FLRT1: variants seen among roughly 807,000 people sequenced by gnomAD.
The protein encoded by FLRT1 is fibronectin leucine rich transmembrane protein 1, also known as leucine-rich repeat transmembrane protein FLRT1.
FLRT1 carries 14 observed loss-of-function variants against 30.9 expected under a neutral mutation model. The observed-to-expected ratio is 0.45, with a 90% confidence interval of 0.30 to 0.71. The LOEUF is 0.71. Among genes scored for constraint, FLRT1 ranks in the 30% least tolerant of loss-of-function variants. The pLI, the probability that FLRT1 is intolerant of heterozygous loss-of-function variation, is 0.08. For synonymous variants in FLRT1, 368 were observed against 430.4 expected (o/e 0.85, Z 1.80); for missense variants, 737 against 949.2 (o/e 0.78, Z 2.94).
In FLRT1 at chr11:64,084,625, A is replaced by C. The variant is rs552645732; in HGVS notation, c.-1037-18569A>C. On this transcript the variant is annotated intron_variant, in intron 1 of 2. Transcript: ENST00000682287. ...GTACCCACTTAGGACAGCGCCTAGA[A>C]GGGACCCAGCGCATGGCAGTGGGGT... 5.3e-4 allele frequency among the ~76,000 whole-genome samples: 80 copies of C among 152,296 alleles called. No homozygotes were observed. The South Asian group carries it at 0.015, about 29-fold the overall frequency.
At position 64,118,339 on chromosome 11, in the gene FLRT1, G is replaced by A. The variant is rs535222834; in HGVS notation, c.*47G>A. On this transcript the variant is annotated 3_prime_UTR_variant, in exon 3 of 3. Transcript: ENST00000682287. ...CCGCCTCAGCCCCAGCTGCCCTGGCGTGGCCATGTGGCTTTGCCCAGCCTG... is the reference window on the plus strand; with the variant it reads ...CCGCCTCAGCCCCAGCTGCCCTGGCATGGCCATGTGGCTTTGCCCAGCCTG... The A allele has an allele frequency of 1.2e-5, 18 of 1,501,320 alleles. 1 individual carries two copies. The highest frequency in any genetic ancestry group is 1.8e-4 in the Middle Eastern group (1 of 5,432). 93.0% of individuals were successfully genotyped at this position (1,501,320 alleles called of 1,614,324 possible). A position where few individuals can be genotyped will look rare whatever the true frequency, so the allele number is the denominator to read the frequency against.
chr11:64,052,908 T>C (rs1482400795), intron 1 of FLRT1, among the ~76,000 whole-genome samples: 2 of 152,204 alleles, frequency 1.3e-5, no homozygotes, highest in African/African-American at 4.8e-5. Flanking sequence ...ACCCTCCAGA[T>C]AGGCACAGTA....
intron 1 of FLRT1, among the ~76,000 whole-genome samples, chr11:64,087,541 G>A (rs1006707874): frequency 1.3e-5 from 2 of 152,230 alleles, no homozygotes; most frequent in African/African-American, 4.8e-5. Context: ...AGGCAAGCAC[G>A]CAGTCCCCAA....
At chr11:64,084,928 G>A (rs536735385) in intron 1 of FLRT1, among the ~76,000 whole-genome samples, 1 of 152,340 alleles carries the variant, frequency 6.6e-6, no homozygotes, top group African/African-American at 2.4e-5. Flanking sequence ...AGCCAGCCTT[G>A]GTGCTGCCCT....
At chr11:64,056,500 G>T (rs147824954) in intron 1 of FLRT1, among the ~76,000 whole-genome samples, 1 of 152,214 alleles carries the variant, frequency 6.6e-6, no homozygotes, top group African/African-American at 2.4e-5. Flanking sequence ...GAAGACAGAC[G>T]GACGGAGAGA....
intron 1 of FLRT1, among the ~76,000 whole-genome samples, chr11:64,098,758 T>C (rs1007829399): frequency 8.5e-5 from 13 of 152,206 alleles, no homozygotes; most frequent in Admixed American, 3.3e-4. Context: ...AACTCTGCCC[T>C]CTTTGCCACA....
intron 1 of FLRT1, among the ~76,000 whole-genome samples, chr11:64,074,239 C>A (rs776516802): frequency 6.6e-6 from 1 of 152,226 alleles, no homozygotes; most frequent in African/African-American, 2.4e-5. Flanking sequence ...GAATGCAGTT[C>A]GTGGGGTTCT....
chr11:64,116,879 G>A lies in FLRT1; in HGVS notation c.612G>A (p.Arg204=), dbSNP rs1333262382. The A allele has an allele frequency of 1.2e-6, 2 of 1,611,810 alleles. No individual in the cohort carries two copies. Among genetic ancestry groups the A allele is most frequent in the Admixed American group, 1.7e-5 (1 of 60,014 alleles). The change falls in exon 3 of 3, where the codon CGG becomes CGA. Residue 204 remains arginine (R), a synonymous_variant. Coordinates refer to ENST00000682287, the MANE Select transcript of FLRT1 (RefSeq NM_013280.5). ...TGCCGCACACGCTGGAGGAGCTGCGGCTGGATGACAACCGCATCTCCACCA... is the reference window on the plus strand; with the variant it reads ...TGCCGCACACGCTGGAGGAGCTGCGACTGGATGACAACCGCATCTCCACCA... ...SGLPHTLEEL[R]LDDNRISTIP... is the part of the protein sequence containing the mutation.
chr11:64,085,218 G>T (rs530016744), intron 1 of FLRT1, among the ~76,000 whole-genome samples: 28 of 152,292 alleles, frequency 1.8e-4, no homozygotes, highest in Non-Finnish European at 2.8e-4. Context: ...GAGCTGGAAG[G>T]CTTAGCGGGG....
intron 2 of FLRT1, among the ~76,000 whole-genome samples, chr11:64,113,029 G>A (rs553231535): frequency 9.2e-5 from 14 of 152,310 alleles, no homozygotes; most frequent in African/African-American, 3.4e-4. Context: ...TCACCAAATG[G>A]TGTGACCTGC....
intron 1 of FLRT1, among the ~76,000 whole-genome samples, chr11:64,053,726 T>G (rs1245440355): frequency 6.6e-6 from 1 of 152,052 alleles, no homozygotes; most frequent in Non-Finnish European, 1.5e-5. Flanking sequence ...CTCCTTCCCT[T>G]GCCTTCCGCT....
intron 1 of FLRT1, among the ~76,000 whole-genome samples, chr11:64,097,531 C>T (rs1156290393): frequency 4.6e-5 from 7 of 152,244 alleles, no homozygotes; most frequent in African/African-American, 7.2e-5. Context: ...CCAGGCCCGC[C>T]GGCCGGGCGG....
At chr11:64,053,363 G>A (rs1943728520) in intron 1 of FLRT1, among the ~76,000 whole-genome samples, 1 of 152,224 alleles carries the variant, frequency 6.6e-6, no homozygotes, top group Non-Finnish European at 1.5e-5. Context: ...GCTGGGCTCT[G>A]TTAACTGGGG....
At chr11:64,059,115 G>A (rs1473927497) in intron 1 of FLRT1, among the ~76,000 whole-genome samples, 1 of 152,202 alleles carries the variant, frequency 6.6e-6, no homozygotes, top group Non-Finnish European at 1.5e-5. Flanking sequence ...GTGCTGAAAG[G>A]ACGGAACAGC....
chr11:64,108,344 G>A (rs1016973946), intron 2 of FLRT1, among the ~76,000 whole-genome samples: 1 of 151,940 alleles, frequency 6.6e-6, no homozygotes, highest in African/African-American at 2.4e-5. Flanking sequence ...TGAGACCCAG[G>A]GCCACCCCAC....
chr11:64,102,835 C>T (rs901508332), intron 1 of FLRT1, among the ~76,000 whole-genome samples: 28 of 151,888 alleles, frequency 1.8e-4, no homozygotes, highest in Admixed American at 1.6e-3. Flanking sequence ...TTTGGGAGGC[C>T]GAGGTGGGCG....
chr11:64,057,666 T>G (rs1055558006), intron 1 of FLRT1, among the ~76,000 whole-genome samples: 3 of 152,178 alleles, frequency 2.0e-5, no homozygotes, highest in African/African-American at 7.2e-5. Flanking sequence ...GGCTACAGGG[T>G]CCCCAGGGTG....
intron 2 of FLRT1, among the ~76,000 whole-genome samples, chr11:64,114,309 T>C (rs774310810): frequency 7.2e-5 from 10 of 138,192 alleles, no homozygotes; most frequent in Non-Finnish European, 1.6e-4. Context: ...GATTGATACA[T>C]GGATGACGGA....
intron 1 of FLRT1, among the ~76,000 whole-genome samples, chr11:64,093,935 C>T (rs1273752513): frequency 2.6e-5 from 4 of 152,242 alleles, no homozygotes; most frequent in Admixed American, 1.3e-4. Flanking sequence ...AATCACCTTG[C>T]TCTGCAGAAG....
Sources: allele counts gnomAD v4.1 joint callset (sites outside exome capture counted in the v4.1 genomes callset), GRCh38; gene constraint gnomAD v4.1.1; transcripts MANE v1.5; gene names NCBI Gene and HGNC (gene_info 2026-07-23, HGNC 2026-07-21).